The following TCF12 variants were observed in gnomAD, a reference collection of about 807,000 sequenced individuals.
The protein encoded by TCF12 is DNA-binding protein HTF4.
TCF12 carries 45 observed loss-of-function variants against 86.0 expected under a neutral mutation model. The observed-to-expected ratio is 0.52, with a 90% CI of 0.41 to 0.67. The LOEUF is 0.67. Ranked by LOEUF, TCF12 falls within the 30% of genes least tolerant of loss-of-function variation. The pLI, the probability that TCF12 is intolerant of heterozygous loss-of-function variation, is 0.00. For synonymous variants in TCF12, 330 were observed against 299.6 expected (o/e 1.10, Z -1.05); for missense variants, 881 against 859.9 (o/e 1.02, Z -0.31).
At chr15:57,273,813 C>T (rs188752056) in intron 19 of TCF12, among the ~76,000 whole-genome samples, 7 of 152,302 alleles carry the variant, frequency 4.6e-5, no homozygotes, top group African/African-American at 1.7e-4. Flanking sequence ...GGCTAACATA[C>T]ATCGGCATGC....
chr15:57,152,891 A>G (rs2047019347), intron 5 of TCF12, among the ~76,000 whole-genome samples: 1 of 151,918 alleles, frequency 6.6e-6, no homozygotes, highest in Admixed American at 6.6e-5. Flanking sequence ...ATTCCCTTAG[A>G]CATATTTAAA....
intron 4 of TCF12, chr15:57,072,663 C>T (rs753886465): frequency 3.8e-6 from 5 of 1,304,348 alleles, no homozygotes; most frequent in South Asian, 3.8e-5. Context: ...GTACAATACA[C>T]GAGATGAAGC....
At chr15:57,081,052 A>G (rs1164218073) in intron 4 of TCF12, among the ~76,000 whole-genome samples, 1 of 152,174 alleles carries the variant, frequency 6.6e-6, no homozygotes, top group Non-Finnish European at 1.5e-5. Context: ...GCTTCATGAG[A>G]GTCCCCCAGT....
At chr15:57,152,912 C>G (rs1329636971) in intron 5 of TCF12, among the ~76,000 whole-genome samples, 4 of 151,518 alleles carry the variant, frequency 2.6e-5, no homozygotes, top group African/African-American at 9.7e-5. Flanking sequence ...GTGCTGAAAA[C>G]CAAAGATGAG....
At chr15:57,204,771 T>A (rs1334694898) in intron 8 of TCF12, among the ~76,000 whole-genome samples, 2 of 150,778 alleles carry the variant, frequency 1.3e-5, no homozygotes, top group Non-Finnish European at 3.0e-5. Context: ...TTTTTTTTTT[T>A]AATAGGAAAG....
intron 3 of TCF12, among the ~76,000 whole-genome samples, chr15:57,014,419 C>T (rs573132094): frequency 1.7e-4 from 23 of 137,446 alleles, no homozygotes; most frequent in African/African-American, 6.9e-4. Context: ...ACAAAATTGA[C>T]TCAAAAAAAA....
chr15:57,277,705 G>A (rs2061468333), intron 19 of TCF12, among the ~76,000 whole-genome samples: 1 of 151,880 alleles, frequency 6.6e-6, no homozygotes, highest in Non-Finnish European at 1.5e-5. Context: ...GGGAGGCCAA[G>A]GCAGGAGGAT....
chr15:57,251,256 T>C, intron 13 of TCF12, 94 bp from the exon 14 acceptor site: 1 of 1,016,652 alleles, frequency 9.8e-7, no homozygotes. Flanking sequence ...CATGTAAATT[T>C]ATTTAGTTAT....
intron 3 of TCF12, among the ~76,000 whole-genome samples, chr15:57,045,539 G>A (rs1273499393): frequency 1.3e-5 from 2 of 151,676 alleles, no homozygotes; most frequent in South Asian, 2.1e-4. Context: ...ATTTGTTTGC[G>A]TTATTGTTTT....
chr15:57,271,466 G>A (rs1306654339), intron 18 of TCF12, among the ~76,000 whole-genome samples: 2 of 152,210 alleles, frequency 1.3e-5, no homozygotes. Context: ...TTGGGCAGGA[G>A]TATACTGCTC....
intron 13 of TCF12, chr15:57,247,549 T>C: frequency 2.2e-6 from 2 of 927,228 alleles, no homozygotes; most frequent in Non-Finnish European, 3.5e-6. Context: ...AAGCAAATCC[T>C]GTCTTTTTTC....
At chr15:56,940,723 C>T (rs564295411) in intron 3 of TCF12, among the ~76,000 whole-genome samples, 20 of 108,410 alleles carry the variant, frequency 1.8e-4, no homozygotes, top group African/African-American at 7.9e-4. Flanking sequence ...CCTTCCTATC[C>T]CCTTCTCTCC....
At chr15:57,244,266 C>G (rs2151974268) in intron 13 of TCF12, among the ~76,000 whole-genome samples, 1 of 152,314 alleles carries the variant, frequency 6.6e-6, no homozygotes, top group Middle Eastern at 3.4e-3. Flanking sequence ...TTGTTCTCCA[C>G]ACTTGTCATG....
At chr15:57,187,251 G>A (rs1396751574) in intron 6 of TCF12, among the ~76,000 whole-genome samples, 1 of 151,958 alleles carries the variant, frequency 6.6e-6, no homozygotes, top group African/African-American at 2.4e-5. Context: ...GAAATAGGAG[G>A]GAGGGAACTT....
intron 4 of TCF12, among the ~76,000 whole-genome samples, chr15:57,082,223 T>C (rs1481346407): frequency 6.6e-6 from 1 of 152,220 alleles, no homozygotes. Flanking sequence ...AGTACTATTT[T>C]AATCATGAAC....
At chr15:57,274,978 C>G (rs1292200123) in intron 19 of TCF12, among the ~76,000 whole-genome samples, 2 of 152,106 alleles carry the variant, frequency 1.3e-5, no homozygotes, top group African/African-American at 4.8e-5. Flanking sequence ...TAAATTCTAC[C>G]ATGCCTAGAT....
chr15:57,001,255 TCCGCCCA>T lies in TCF12; in HGVS notation c.149-62492_149-62486del, dbSNP rs1457031315. ...GTCTTGAATTCCTGACCTCAAGTAATCCGCCCACCTCAGCCTCCTACAGTGCTGGGAT... is the reference window on the plus strand; with the variant it reads ...GTCTTGAATTCCTGACCTCAAGTAATCCTCAGCCTCCTACAGTGCTGGGAT... On this transcript the variant is annotated intron_variant, in intron 3 of 20. Coordinates refer to ENST00000333725, the MANE Select transcript of TCF12 (RefSeq NM_207037.2). 4 of 165,450 alleles carry T rather than the reference TCCGCCCA, an allele frequency of 2.4e-5. No homozygotes were observed. In the South Asian group the frequency reaches 6.1e-4, roughly 25 times the overall value. 10.2% of individuals were successfully genotyped at this position (165,450 alleles called of 1,614,324 possible).
intron 20 of TCF12, among the ~76,000 whole-genome samples, chr15:57,283,181 C>G (rs1237466886): frequency 6.6e-6 from 1 of 152,052 alleles, no homozygotes; most frequent in Non-Finnish European, 1.5e-5. Flanking sequence ...GCCCTTCTCT[C>G]TGGTGGAATT....
Position 57,218,624 on chromosome 15 carries a change from C to T in TCF12, c.580-12528C>T, listed in dbSNP as rs113259253. 7.9e-5 allele frequency among the ~76,000 whole-genome samples: 12 copies of T among 152,216 alleles called. 1 individual carries two copies. The highest frequency in any genetic ancestry group is 2.9e-4 in the African/African-American group (12 of 41,536). ...CTTATAGGAAACTGTTTAGTTTATT[C>T]TCTCATACTTTATATGAAAGATGTG... On this transcript the variant is annotated intron_variant, in intron 8 of 20. Transcript: ENST00000333725.
Sources: gnomAD v4.1 joint callset for allele counts (sites outside exome capture counted in the v4.1 genomes callset) on GRCh38, gnomAD v4.1.1 for gene constraint, MANE v1.5 for transcripts, NCBI Gene and HGNC (gene_info 2026-07-23, HGNC 2026-07-21) for gene names.